The following TIMP2 variants were observed in gnomAD, a reference collection of about 807,000 sequenced individuals.
TIMP2 encodes the protein TIMP metallopeptidase inhibitor 2.
TIMP2 carries 5 observed loss-of-function variants against 24.3 expected under a neutral mutation model. The ratio of observed to expected loss-of-function variants is 0.21; its 90% CI spans 0.11 to 0.43. The LOEUF (loss-of-function observed/expected upper bound fraction) is 0.43, where lower values mean the gene tolerates loss of function less well. Among genes scored for constraint, TIMP2 ranks in the 20% least tolerant of loss-of-function variants. The pLI, the probability that TIMP2 is intolerant of heterozygous loss-of-function variation, is 1.00. For synonymous variants in TIMP2, 130 were observed against 123.2 expected (o/e 1.06, Z -0.37); for missense variants, 221 against 297.5 (o/e 0.74, Z 1.89).
intron 1 of TIMP2, among the ~76,000 whole-genome samples, chr17:78,907,727 G>A (rs1473058568): frequency 6.6e-6 from 1 of 152,216 alleles, no homozygotes; most frequent in Non-Finnish European, 1.5e-5. Context: ...AGTATCTGCA[G>A]AGCACAATAT....
At chr17:78,899,134 C>T (rs2070049116) in intron 1 of TIMP2, 1 of 152,320 alleles carries the variant, frequency 6.6e-6, no homozygotes, top group African/African-American at 2.4e-5. Flanking sequence ...CTGATGCTGC[C>T]ATCTGGGGGA....
chr17:78,910,659 C>CT (rs1218856129), intron 1 of TIMP2, among the ~76,000 whole-genome samples: 1 of 151,940 alleles, frequency 6.6e-6, no homozygotes, highest in Non-Finnish European at 1.5e-5. Context: ...ATCAACTTTT[C>CT]TTTTTTTTAG....
At chr17:78,870,586 G>A (rs1051755731) in intron 3 of TIMP2, among the ~76,000 whole-genome samples, 1 of 152,018 alleles carries the variant, frequency 6.6e-6, no homozygotes, top group Non-Finnish European at 1.5e-5. Context: ...TGGCCCTCCC[G>A]ACGGCAGAAA....
rs2145797917 is a variant in TIMP2 at position 78,920,250 on chromosome 17, T to C, written c.130+4709A>G. Among the ~76,000 whole-genome samples the C allele has an allele frequency of 6.6e-6, 1 of 152,296 alleles. No homozygotes were observed. The highest frequency in any genetic ancestry group is 1.5e-5 in the Non-Finnish European group (1 of 68,014). ...AACCTCTCAGCCCACACCAGTGGCA[T>C]CTACCTAGCAACCTGGCTGCGACAG... On this transcript the variant is annotated intron_variant, in intron 1 of 4. Coordinates refer to ENST00000262768, the MANE Select transcript of TIMP2 (RefSeq NM_003255.5). This position sits in a 1 kb window ranked among gnomAD's most constrained non-coding sequence, Gnocchi z 4.5.
At chr17:78,911,833 G>A (rs1030854254) in intron 1 of TIMP2, among the ~76,000 whole-genome samples, 1 of 150,038 alleles carries the variant, frequency 6.7e-6, no homozygotes, top group African/African-American at 2.5e-5. Flanking sequence ...ATCACTTGAG[G>A]TCAGGAGTTC....
At chr17:78,897,691 T>C (rs1367765919) in intron 1 of TIMP2, 3 of 152,222 alleles carry the variant, frequency 2.0e-5, no homozygotes, top group African/African-American at 7.2e-5. Flanking sequence ...CTGAGGACAA[T>C]GGCAGGACCC....
rs71161632 is a variant in TIMP2 at position 78,854,921 on chromosome 17, C to CGGGGGGGG, written c.*738_*745dup. On this transcript the variant is annotated 3_prime_UTR_variant, in exon 5 of 5. Transcript: ENST00000262768. ...TCCTGCAAGCTGGGGAGCATGTGGG[C>CGGGGGGGG]GGGGGGGGGGGGGTGGGGGGGTGGG... The CGGGGGGGG allele has an allele frequency of 2.3e-4, 9 of 39,090 alleles. No homozygotes were observed. Among genetic ancestry groups the CGGGGGGGG allele is most frequent in the African/African-American group, 2.0e-4 (2 of 10,256 alleles). The allele number at this position is 39,090 out of a possible 1,614,324, so 2.4% of individuals were successfully genotyped here.
rs376404453 is a variant in TIMP2, at chr17:78,877,949, G to A, written c.131-4030C>T. On this transcript the variant is annotated intron_variant, in intron 1 of 4. Transcript: ENST00000262768. ...TCTTGAACTCCTGACCTCGTGATCCGCCTGCCTCGGCCTCCCAACGTGCTG... is the reference window on the plus strand; with the variant it reads ...TCTTGAACTCCTGACCTCGTGATCCACCTGCCTCGGCCTCCCAACGTGCTG... 3.7e-4 allele frequency among the ~76,000 whole-genome samples: 56 copies of A among 152,012 alleles called. No homozygotes were observed. In the East Asian group the frequency reaches 8.3e-3, roughly 23 times the overall value.
rs71161632 is a variant in TIMP2 at position 78,854,921 on chromosome 17, C to CGGG, written c.*743_*745dup. 31 of 39,098 alleles carry CGGG rather than the reference C, an allele frequency of 7.9e-4. No homozygotes were observed. The highest frequency in any genetic ancestry group is 8.9e-4 in the Non-Finnish European group (17 of 19,154). The allele number at this position is 39,098 out of a possible 1,614,324, so 2.4% of individuals were successfully genotyped here. On this transcript the variant is annotated 3_prime_UTR_variant, in exon 5 of 5. Coordinates refer to ENST00000262768, the MANE Select transcript of TIMP2 (RefSeq NM_003255.5). The stretch of plus-strand genomic sequence containing the variant: ...TCCTGCAAGCTGGGGAGCATGTGGG[C>CGGG]GGGGGGGGGGGGGTGGGGGGGTGGG...
chr17:78,858,671 C>T (rs145211768), intron 3 of TIMP2, among the ~76,000 whole-genome samples: 3 of 152,050 alleles, frequency 2.0e-5, no homozygotes, highest in Non-Finnish European at 2.9e-5. Context: ...TAGGTGTGAA[C>T]CACTACACCC....
At chr17:78,911,045 T>C (rs147613836) in intron 1 of TIMP2, among the ~76,000 whole-genome samples, 4 of 152,298 alleles carry the variant, frequency 2.6e-5, no homozygotes, top group Admixed American at 1.3e-4. Flanking sequence ...TCCACCATAG[T>C]GACTGTACTA....
intron 1 of TIMP2, among the ~76,000 whole-genome samples, chr17:78,907,789 G>A (rs766035845): frequency 1.1e-4 from 16 of 152,226 alleles, no homozygotes; most frequent in Non-Finnish European, 1.9e-4. Flanking sequence ...TCATTCTAGA[G>A]CAACTGGAAA....
intron 1 of TIMP2, among the ~76,000 whole-genome samples, chr17:78,909,477 C>A (rs976209791): frequency 6.6e-6 from 1 of 151,132 alleles, no homozygotes; most frequent in East Asian, 2.0e-4. Context: ...GAATGACCCC[C>A]CCACCCAGTC....
intron 3 of TIMP2, among the ~76,000 whole-genome samples, chr17:78,867,288 C>T (rs1257874445): frequency 6.6e-6 from 1 of 152,248 alleles, no homozygotes; most frequent in South Asian, 2.1e-4. Context: ...CATAATAAAA[C>T]ATTTTAGGAA....
At chr17:78,880,502 C>T (rs1345911784) in intron 1 of TIMP2, among the ~76,000 whole-genome samples, 2 of 151,372 alleles carry the variant, frequency 1.3e-5, no homozygotes, top group Non-Finnish European at 2.9e-5. Context: ...GCCTGAGCAA[C>T]ATAGCAATAC....
chr17:78,892,258 C>A lies in TIMP2; in HGVS notation c.131-18339G>T, dbSNP rs953553702. On this transcript the variant is annotated intron_variant, in intron 1 of 4. Transcript: ENST00000262768. ...GATCGCCTTTGCCCCGGGCTTGTAG[C>A]AATTTGTGCTTTTTCCTCCAAAGCA... is the stretch of plus-strand genomic sequence containing the variant. The A allele has an allele frequency of 6.4e-6, 10 of 1,550,892 alleles. No homozygotes were observed. The Admixed American group carries it at 2.0e-4, about 30-fold the overall frequency.
intron 1 of TIMP2, among the ~76,000 whole-genome samples, chr17:78,890,002 C>T (rs1363143450): frequency 6.6e-6 from 1 of 152,034 alleles, no homozygotes; most frequent in Non-Finnish European, 1.5e-5. Context: ...GCCTATAATC[C>T]CAGCTACTCG....
chr17:78,853,252 G>A lies in TIMP2; in HGVS notation c.*2415C>T, dbSNP rs1010159299. On this transcript the variant is annotated 3_prime_UTR_variant, in exon 5 of 5. Transcript: ENST00000262768. ...GCAAAGATTTGAAAATAACTACAAT[G>A]TAAACTTTATTTTAAATATTTTGAG... 1 of 152,544 alleles carries A rather than the reference G, an allele frequency of 6.6e-6. No individual in the cohort carries two copies. The highest frequency in any genetic ancestry group is 1.5e-5 in the Non-Finnish European group (1 of 68,034). 9.4% of individuals were successfully genotyped at this position (152,544 alleles called of 1,614,324 possible).
intron 1 of TIMP2, chr17:78,899,495 C>T (rs2070056113): frequency 6.6e-6 from 1 of 152,232 alleles, no homozygotes; most frequent in Non-Finnish European, 1.5e-5. Context: ...CCTGACAGAT[C>T]CTATCCCAGC....
Sources: allele counts gnomAD v4.1 joint callset (sites outside exome capture counted in the v4.1 genomes callset), GRCh38; gene constraint gnomAD v4.1.1; non-coding constraint Gnocchi (gnomAD v3.1); transcripts MANE v1.5; gene names NCBI Gene and HGNC (gene_info 2026-07-23, HGNC 2026-07-21).